The following IGSF9B variants were observed in gnomAD, a reference collection of about 807,000 sequenced individuals.
The protein encoded by IGSF9B is protein turtle homolog B.
In IGSF9B, 48 loss-of-function variants were observed where a neutral mutation model predicts 143.7. The observed-to-expected ratio is 0.33, with a 90% CI of 0.26 to 0.42. IGSF9B has a LOEUF of 0.42. Among genes scored for constraint, IGSF9B ranks in the 20% least tolerant of loss-of-function variants. The pLI is 1.00. For synonymous variants in IGSF9B, 903 were observed against 833.1 expected (o/e 1.08, Z -1.44); for missense variants, 1,706 against 1,980.0 (o/e 0.86, Z 2.63).
At chr11:133,918,443 G>A (rs1939435311) in intron 18 of IGSF9B, among the ~76,000 whole-genome samples, 1 of 152,128 alleles carries the variant, frequency 6.6e-6, no homozygotes, top group African/African-American at 2.4e-5. Context: ...GGAGAGAGAC[G>A]GAGACCCAGA....
At chr11:133,923,940 GGT>G (rs1013558124) in intron 15 of IGSF9B, among the ~76,000 whole-genome samples, 5 of 152,224 alleles carry the variant, frequency 3.3e-5, no homozygotes, top group African/African-American at 4.8e-5. Flanking sequence ...AAAGACTGTG[GGT>G]TCTGCTACCT....
Position 133,906,507 on chromosome 11 carries a change from G to T in IGSF9B, c.*2562C>A, listed in dbSNP as rs534982985. 6.6e-6 allele frequency among the ~76,000 whole-genome samples: 1 copy of T among 152,210 alleles called. No homozygotes were observed. The highest frequency in any genetic ancestry group is 1.5e-5 in the Non-Finnish European group (1 of 68,042). On this transcript the variant is annotated 3_prime_UTR_variant, in exon 20 of 20. Coordinates refer to ENST00000533871, the MANE Select transcript of IGSF9B (RefSeq NM_001277285.4). ...CCACTCGGTGACCAGCGAAAAGCAC[G>T]GCTCCCCGCGTTGGGTCTACGTGCT...
At chr11:133,912,106 C>A (rs1939310588) in intron 18 of IGSF9B, 99 bp from the exon 19 acceptor site, 2 of 1,391,574 alleles carry the variant, frequency 1.4e-6, no homozygotes, top group East Asian at 5.0e-5. Context: ...CACAGAAGGA[C>A]AGAGTTCAGT....
rs543627649 is a variant in IGSF9B at position 133,899,916 on chromosome 11, T to A, written c.*9153A>T. The A allele has an allele frequency of 1.2e-3, 181 of 152,174 alleles. 2 individuals carry two copies. The highest frequency in any genetic ancestry group is 4.2e-3 in the African/African-American group (173 of 41,514). The allele number at this position is 152,174 out of a possible 1,614,324, so 9.4% of individuals were successfully genotyped here. A position where few individuals can be genotyped will look rare whatever the true frequency, so the allele number is the denominator to read the frequency against. On this transcript the variant is annotated 3_prime_UTR_variant, in exon 20 of 20. Coordinates refer to ENST00000533871, the MANE Select transcript of IGSF9B (RefSeq NM_001277285.4). ...GAAAGATCATTCAAGGCAAGGATGGTGCCACTGACAGTGGCACCAGCACTG... is the reference window on the plus strand; with the variant it reads ...GAAAGATCATTCAAGGCAAGGATGGAGCCACTGACAGTGGCACCAGCACTG...
Position 133,928,298 on chromosome 11 carries a change from G to A in IGSF9B, c.1632-1207C>T, listed in dbSNP as rs892159977. Among the ~76,000 whole-genome samples the A allele has an allele frequency of 6.6e-6, 1 of 152,152 alleles. No individual in the cohort carries two copies. The highest frequency in any genetic ancestry group is 1.5e-5 in the Non-Finnish European group (1 of 68,014). The stretch of plus-strand genomic sequence containing the variant: ...TGGTTAGGGCCCCCACGCTGCTGCG[G>A]GAGGAACAGAGTAAGGGGACGGGAG... On this transcript the variant is annotated intron_variant, in intron 12 of 19. Transcript: ENST00000533871. The surrounding 1 kb of genome is among the most constrained non-coding windows in gnomAD (Gnocchi z 4.7).
rs190659275 is a variant in IGSF9B at position 133,913,928 on chromosome 11, G to T, written c.3984-1921C>A. On this transcript the variant is annotated intron_variant, in intron 18 of 19. Coordinates refer to ENST00000533871, the MANE Select transcript of IGSF9B (RefSeq NM_001277285.4). This position sits in a 1 kb window ranked among gnomAD's most constrained non-coding sequence, Gnocchi z 4.6. Reference sequence around the variant, plus strand: ...AGGAGGACCACACAGGGTGAGCGACGTGTGGTCAGGGAGGCGCATGACCGG... The same window carrying T: ...AGGAGGACCACACAGGGTGAGCGACTTGTGGTCAGGGAGGCGCATGACCGG... Among the ~76,000 whole-genome samples, 22 of 152,318 alleles carry T rather than the reference G, an allele frequency of 1.4e-4. No homozygotes were observed. The East Asian group carries it at 4.1e-3, about 28-fold the overall frequency.
At chr11:133,946,031 G>C (rs772646782) in intron 2 of IGSF9B, 30 bp downstream of exon 2, 2 of 1,463,084 alleles carry the variant, frequency 1.4e-6, no homozygotes. Flanking sequence ...AGCTGGGGAA[G>C]GTGCGGGAGA....
intron 3 of IGSF9B, among the ~76,000 whole-genome samples, chr11:133,941,448 C>T (rs1375349286): frequency 2.0e-5 from 3 of 152,178 alleles, no homozygotes; most frequent in Non-Finnish European, 1.5e-5. Flanking sequence ...AAAGGTGATC[C>T]CCGTCAGAAA....
At position 133,927,067 on chromosome 11, in the gene IGSF9B, G is replaced by A. The variant is rs375078166; in HGVS notation, c.1656C>T (p.Pro552=). Residue 552 remains proline, a synonymous_variant, in exon 13 of 20, where the codon CCC becomes CCT. Coordinates refer to ENST00000533871, the MANE Select transcript of IGSF9B (RefSeq NM_001277285.4). Reference sequence around the variant, plus strand: ...GCACTGGCAAGGACAGCCAGTCATGGGGCCCAAACTGTGCCCGCTTCATCC... The same window carrying A: ...GCACTGGCAAGGACAGCCAGTCATGAGGCCCAAACTGTGCCCGCTTCATCC... ...SVWMKRAQFG[P]HDWLSLPVPP... 1.3e-6 allele frequency: 2 copies of A among 1,559,910 alleles called. No individual in the cohort carries two copies. Among genetic ancestry groups the A allele is most frequent in the African/African-American group, 1.4e-5 (1 of 73,462 alleles).
At chr11:133,918,402 CAGGCG>C (rs975066300) in intron 18 of IGSF9B, among the ~76,000 whole-genome samples, 18 of 152,120 alleles carry the variant, frequency 1.2e-4, no homozygotes, top group Admixed American at 2.0e-4. Flanking sequence ...GAGCACCGGA[CAGGCG>C]AGGCCGGAGC....
chr11:133,943,518 C>T (rs1939990671), intron 3 of IGSF9B, among the ~76,000 whole-genome samples: 1 of 152,138 alleles, frequency 6.6e-6, no homozygotes, highest in African/African-American at 2.4e-5. Context: ...GGCCAACTCC[C>T]AGAGCTCAGC....
At position 133,908,814 on chromosome 11, in the gene IGSF9B, G is replaced by A. The variant is rs1565412274; in HGVS notation, c.*255C>T. 3 of 447,870 alleles carry A rather than the reference G, an allele frequency of 6.7e-6. No homozygotes were observed. The highest frequency in any genetic ancestry group is 1.9e-5 in the African/African-American group (1 of 51,346). The allele number at this position is 447,870 out of a possible 1,614,324, so 27.7% of individuals were successfully genotyped here. A position where few individuals can be genotyped will look rare whatever the true frequency, so the allele number is the denominator to read the frequency against. On this transcript the variant is annotated 3_prime_UTR_variant, in exon 20 of 20. Transcript: ENST00000533871. ...CAACCTAGTGAAGCAGGGGGCGGAG[G>A]GGAGGAGACAGGTGTTGCCCAGTCT...
intron 16 of IGSF9B, 76 bp from the exon 17 acceptor site, chr11:133,922,298 A>G: frequency 7.5e-7 from 1 of 1,339,998 alleles, no homozygotes; most frequent in South Asian, 1.2e-5. Context: ...GCAGAGGCTG[A>G]CAGAGCCGGA....
At position 133,931,882 on chromosome 11, in the gene IGSF9B, A is replaced by G; in HGVS notation, c.1111-87T>C. 6.4e-7 allele frequency: 1 copy of G among 1,564,656 alleles called. No individual in the cohort carries two copies. The highest frequency in any genetic ancestry group is 8.6e-7 in the Non-Finnish European group (1 of 1,157,176). On this transcript the variant is annotated intron_variant, in intron 8 of 19. Transcript: ENST00000533871. The surrounding 1 kb of genome is among the most constrained non-coding windows in gnomAD (Gnocchi z 7.7). ...CTGGGTCCCAGCTGGGCCAGGCAGC[A>G]CGCAGGATAGTACAGGAGCTCCAGC...
chr11:133,920,889 G>A lies in IGSF9B; in HGVS notation c.2836C>T (p.Arg946Trp), dbSNP rs778188740. 61 of 1,607,268 alleles carry A rather than the reference G, an allele frequency of 3.8e-5. No homozygotes were observed. Among genetic ancestry groups the A allele is most frequent in the East Asian group, 6.7e-5 (3 of 44,706 alleles). Residue 946 changes from arginine to tryptophan, a missense_variant, in exon 18 of 20, where the codon CGG (arginine) becomes TGG (tryptophan). This residue lies in a region of IGSF9B where 880 missense variants were observed against 762.9 expected (regional missense o/e 1.15). Coordinates refer to ENST00000533871, the MANE Select transcript of IGSF9B (RefSeq NM_001277285.4). Reference sequence around the variant, plus strand: ...CGGGCCTGGCCTGTGGCCTGAAGCCGACCTTCCAGGCCACCGGGGCCCTCC... The same window carrying A: ...CGGGCCTGGCCTGTGGCCTGAAGCCAACCTTCCAGGCCACCGGGGCCCTCC... ...GLEGPGGLEG[R>W]LQATGQARPP...
At chr11:133,949,730 C>T (rs151143371) in intron 1 of IGSF9B, among the ~76,000 whole-genome samples, 3 of 151,362 alleles carry the variant, frequency 2.0e-5, no homozygotes, top group Non-Finnish European at 3.0e-5. Context: ...GGGGCTGGCT[C>T]CTGAAGGGAG....
intron 1 of IGSF9B, chr11:133,952,323 A>G (rs996630079): frequency 3.8e-5 from 10 of 263,066 alleles, no homozygotes; most frequent in African/African-American, 1.8e-4. Context: ...ACCCTCAGGG[A>G]GACAGAGAGG....
In IGSF9B at chr11:133,921,340, T is replaced by C. The variant is rs751466329; in HGVS notation, c.2385A>G (p.Glu795=). 9 of 1,587,172 alleles carry C rather than the reference T, an allele frequency of 5.7e-6. No homozygotes were observed. The Admixed American group carries it at 1.6e-4, about 27-fold the overall frequency. ...CGGGCTGGCCCTGGTCGTCGGAGGA[T>C]TCTGACGGCGCTCGGAGCGTGCGGA... The part of the protein sequence containing the change: ...ESIRTLRAPS[E]SSDDQGQPAA... Residue 795 remains glutamate, a synonymous_variant, in exon 18 of 20, where the codon GAA becomes GAG. Transcript: ENST00000533871.
chr11:133,951,810 G>A (rs1264999371), intron 1 of IGSF9B: 1 of 189,852 alleles, frequency 5.3e-6, no homozygotes, highest in Non-Finnish European at 1.1e-5. Flanking sequence ...CCAGGAGGCT[G>A]GGCTCCGTGG....
Sources: allele counts gnomAD v4.1 joint callset (sites outside exome capture counted in the v4.1 genomes callset), GRCh38; gene constraint gnomAD v4.1.1; regional missense constraint gnomAD v4.1.1; non-coding constraint Gnocchi (gnomAD v3.1); transcripts MANE v1.5; gene names NCBI Gene and HGNC (gene_info 2026-07-23, HGNC 2026-07-21).